Variants in BAIAP2 observed in about 807,000 individuals in gnomAD.
The protein encoded by BAIAP2 is BAR/IMD domain-containing adapter protein 2.
BAIAP2 carries 18 observed loss-of-function variants against 63.0 expected under a neutral mutation model. The observed-to-expected ratio is 0.29, with a 90% CI of 0.20 to 0.42. The LOEUF is 0.42. Among genes scored for constraint, BAIAP2 ranks in the 10% least tolerant of loss-of-function variants. The pLI is 1.00. For synonymous variants in BAIAP2, 386 were observed against 307.6 expected, an observed-to-expected ratio of 1.25 and a Z score of -2.67; for missense variants, 610 against 734.3, an observed-to-expected ratio of 0.83 and a Z score of 1.96.
chr17:81,084,964 C>T, intron 4 of BAIAP2, 71 bp downstream of exon 4: 3 of 1,490,584 alleles, frequency 2.0e-6, no homozygotes, highest in South Asian at 2.3e-5. Flanking sequence ...CACACCTTGG[C>T]CGTGTGTCCA....
rs115709363 is a variant in BAIAP2 at position 81,081,247 on chromosome 17, G to A, written c.218-3585G>A. On this transcript the variant is annotated intron_variant, in intron 3 of 13. Transcript: ENST00000428708. ...GTGGTGTCCATCCTGGGAATTTATA[G>A]GATGCCAAAGAACGCCGAGAAGCAC... Among the ~76,000 whole-genome samples the A allele has an allele frequency of 2.4e-3, 368 of 152,308 alleles. 1 individual carries two copies. Among genetic ancestry groups the A allele is most frequent in the African/African-American group, 6.9e-3 (288 of 41,574 alleles).
chr17:81,108,422 G>C (rs901176113), intron 12 of BAIAP2, 53 bp from the exon 13 acceptor site: 1 of 1,604,858 alleles, frequency 6.2e-7, no homozygotes, highest in East Asian at 2.2e-5. Flanking sequence ...AGCGGGTGGG[G>C]GTGACCACAG....
chr17:81,092,670 C>T (rs964304360), intron 6 of BAIAP2, among the ~76,000 whole-genome samples: 1 of 152,218 alleles, frequency 6.6e-6, no homozygotes, highest in African/African-American at 2.4e-5. Flanking sequence ...GAGAGCTTTA[C>T]GTAAGGGGCC....
In BAIAP2 at chr17:81,095,057, G is replaced by A. The variant is rs117977460; in HGVS notation, c.490-4871G>A. Among the ~76,000 whole-genome samples, 89 of 152,354 alleles carry A rather than the reference G, an allele frequency of 5.8e-4. 2 individuals carry two copies. The East Asian group carries it at 0.015, about 26-fold the overall frequency. On this transcript the variant is annotated intron_variant, in intron 6 of 13. Coordinates refer to ENST00000428708, the MANE Select transcript of BAIAP2 (RefSeq NM_001144888.2). The stretch of plus-strand genomic sequence containing the variant: ...GATCACTTTTGTCTTCTCTGATCAC[G>A]GGGCTGTTCAGCCCAGGGTGACTAA...
chr17:81,069,651 G>C (rs1400172269), intron 3 of BAIAP2, among the ~76,000 whole-genome samples: 3 of 152,228 alleles, frequency 2.0e-5, no homozygotes, highest in Non-Finnish European at 4.4e-5. Context: ...CCTGGCGGGG[G>C]GCGTGGTTCT....
chr17:81,079,613 C>T (rs1004859979), intron 3 of BAIAP2, among the ~76,000 whole-genome samples: 12 of 152,150 alleles, frequency 7.9e-5, no homozygotes, highest in South Asian at 2.1e-4. Flanking sequence ...CTGGGTGCAA[C>T]GCTGCTGCAC....
intron 1 of BAIAP2, among the ~76,000 whole-genome samples, chr17:81,051,245 C>G (rs1268901864): frequency 6.6e-6 from 1 of 152,118 alleles, no homozygotes; most frequent in Admixed American, 6.6e-5. Flanking sequence ...ATCCCCGTCC[C>G]TTTAGATCAG....
chr17:81,080,164 G>A (rs1282311500), intron 3 of BAIAP2, among the ~76,000 whole-genome samples: 3 of 152,232 alleles, frequency 2.0e-5, no homozygotes, highest in Admixed American at 1.3e-4. Context: ...GGTGCTCCAT[G>A]TGCCCCGTCC....
chr17:81,069,211 G>A (rs1009757452), intron 3 of BAIAP2, among the ~76,000 whole-genome samples: 1 of 152,194 alleles, frequency 6.6e-6, no homozygotes, highest in Non-Finnish European at 1.5e-5. Flanking sequence ...TACATTGGAA[G>A]CATTTTTGTA....
chr17:81,095,867 G>A (rs546666490), intron 6 of BAIAP2, among the ~76,000 whole-genome samples: 17 of 152,088 alleles, frequency 1.1e-4, no homozygotes, highest in Admixed American at 7.2e-4. Flanking sequence ...CTCTCTTCCC[G>A]GCCAGGGAGG....
At chr17:81,045,416 T>A (rs894014274) in intron 1 of BAIAP2, among the ~76,000 whole-genome samples, 14 of 152,128 alleles carry the variant, frequency 9.2e-5, no homozygotes, top group African/African-American at 1.2e-4. Flanking sequence ...CCTGTTGTTT[T>A]TAGCTGCAGC....
Position 81,114,169 on chromosome 17 carries a change from C to T in BAIAP2, c.1536-1601C>T, listed in dbSNP as rs1012853761. Among the ~76,000 whole-genome samples the T allele has an allele frequency of 1.7e-4, 25 of 142,878 alleles. No homozygotes were observed. The East Asian group carries it at 2.0e-3, about 11-fold the overall frequency. The allele number at this position is 142,878 out of a possible 152,430, so 93.7% of individuals were successfully genotyped here. On this transcript the variant is annotated intron_variant, in intron 13 of 13. Transcript: ENST00000428708. ...TTTTTTTTTTTTGTAGAGACGGGTA[C>T]GCTTTGCTGCCCAGGCTGGTCTTGA... is the stretch of plus-strand genomic sequence containing the variant.
rs2058850824 is a variant in BAIAP2, at chr17:81,104,232, G to A, written c.1066+124G>A. The A allele has an allele frequency of 1.2e-5, 13 of 1,077,542 alleles. No homozygotes were observed. In the East Asian group the frequency reaches 2.6e-4, roughly 21 times the overall value. The allele number at this position is 1,077,542 out of a possible 1,614,324, so 66.7% of individuals were successfully genotyped here. The stretch of plus-strand genomic sequence containing the variant: ...GAGGCTCACAATTATGTGACCGTGT[G>A]TACCTACATGCATGTGGTACACACA... On this transcript the variant is annotated intron_variant, in intron 9 of 13. Transcript: ENST00000428708.
chr17:81,100,186 C>T (rs1039478864), intron 7 of BAIAP2, 106 bp downstream of exon 7: 2 of 1,372,770 alleles, frequency 1.5e-6, no homozygotes, highest in East Asian at 2.7e-5. Context: ...GGGCAGTGTC[C>T]AGGCTCGAAC....
At chr17:81,075,307 C>T (rs2053474119) in intron 3 of BAIAP2, among the ~76,000 whole-genome samples, 1 of 152,232 alleles carries the variant, frequency 6.6e-6, no homozygotes, top group South Asian at 2.1e-4. Flanking sequence ...CCCTCCCCAT[C>T]CCTTCCCCTG....
rs567359742 is a variant in BAIAP2 at position 81,055,811 on chromosome 17, C to T, written c.130+2068C>T. On this transcript the variant is annotated intron_variant, in intron 2 of 13. Coordinates refer to ENST00000428708, the MANE Select transcript of BAIAP2 (RefSeq NM_001144888.2). ...CGATCTCCTGACCTCGTGATCCGCC[C>T]GCCTCAGCCTCCCAAAGTGCCTAGG... Among the ~76,000 whole-genome samples, 16 of 152,098 alleles carry T rather than the reference C, an allele frequency of 1.1e-4. 1 individual carries two copies. The South Asian group carries it at 2.7e-3, about 26-fold the overall frequency.
At chr17:81,049,628 G>A (rs1007823641) in intron 1 of BAIAP2, among the ~76,000 whole-genome samples, 14 of 152,302 alleles carry the variant, frequency 9.2e-5, no homozygotes, top group Non-Finnish European at 1.5e-4. Context: ...AGATACACTC[G>A]CTCAGTGACT....
At position 81,103,648 on chromosome 17, in the gene BAIAP2, C is replaced by T; in HGVS notation, c.789C>T (p.Ser263=). The T allele has an allele frequency of 1.2e-6, 2 of 1,604,868 alleles. No homozygotes were observed. The highest frequency in any genetic ancestry group is 1.3e-5 in the African/African-American group (1 of 74,986). ...CCAGCGCCCTGTCGGCCTCCAAGTC[C>T]AACCTGGTCATTTCCGACCCCATTC... ...TLPSALSASK[S]NLVISDPIPG... The change falls in exon 8 of 14, where the codon TCC becomes TCT. Residue 263 remains serine, a synonymous_variant. Transcript: ENST00000428708.
chr17:81,115,890 T>C lies in BAIAP2; in HGVS notation c.*51T>C, dbSNP rs1032510222. On this transcript the variant is annotated 3_prime_UTR_variant, in exon 14 of 14. Coordinates refer to ENST00000428708, the MANE Select transcript of BAIAP2 (RefSeq NM_001144888.2). ...CTGGTGGCTTCCCCCGCCCTTCCCA[T>C]GTAGCCTGTTCTGTCATCATCTGTG... is the stretch of plus-strand genomic sequence containing the variant. The C allele has an allele frequency of 1.6e-5, 25 of 1,608,190 alleles. No homozygotes were observed. The highest frequency in any genetic ancestry group is 4.0e-5 in the African/African-American group (3 of 74,910).
Sources: gnomAD v4.1 joint callset for allele counts (sites outside exome capture counted in the v4.1 genomes callset) on GRCh38, gnomAD v4.1.1 for gene constraint, MANE v1.5 for transcripts, NCBI Gene and HGNC (gene_info 2026-07-23, HGNC 2026-07-21) for gene names.